Variants in LIFR observed in about 807,000 individuals in gnomAD.
LIFR encodes LIF receptor subunit alpha, also known as leukemia inhibitory factor receptor.
Under a neutral mutation model 122.2 loss-of-function variants are expected in LIFR, and 84 were observed. That is an observed-to-expected ratio of 0.69 (90% CI 0.58 to 0.82). The LOEUF (loss-of-function observed/expected upper bound fraction) is 0.82. Among genes scored for constraint, LIFR ranks in the 40% least tolerant of loss-of-function variants. The probability of loss-of-function intolerance (pLI) is 0.00; values close to 1 mark genes in which losing one functional copy is unlikely to be tolerated. For synonymous variants in LIFR, 422 were observed against 434.7 expected (o/e 0.97, Z 0.36); for missense variants, 1,294 against 1,311.6 (o/e 0.99, Z 0.21).
At chr5:38,602,009 A>G (rs770928254) in intron 2 of LIFR, among the ~76,000 whole-genome samples, 2 of 152,208 alleles carry the variant, frequency 1.3e-5, no homozygotes, top group Non-Finnish European at 2.9e-5. Flanking sequence ...GTGTGAGTCA[A>G]TTTGCCTCTT....
rs779559328 is a variant in LIFR, at chr5:38,564,971, C to T, written c.-20+30290G>A. ...TGTATTTTTAGTAGAGACAGGGTTT[C>T]GCCACATTGGCCAACTGATCTCAAA... On this transcript the variant is annotated intron_variant, in intron 1 of 19. Transcript: ENST00000263409. Among the ~76,000 whole-genome samples, 12 of 151,948 alleles carry T rather than the reference C, an allele frequency of 7.9e-5. 1 individual carries two copies. The South Asian group carries it at 1.2e-3, about 16-fold the overall frequency.
chr5:38,591,893 G>C (rs1308651363), intron 1 of LIFR, among the ~76,000 whole-genome samples: 1 of 152,122 alleles, frequency 6.6e-6, no homozygotes, highest in Non-Finnish European at 1.5e-5. Context: ...CCTTAAATTG[G>C]AGGGTCTAGT....
chr5:38,504,018 T>A lies in LIFR; in HGVS notation c.1395A>T (p.Leu465Phe). Reference sequence around the variant, plus strand: ...TAGATTTCTTAATTTCAATTTCACATAAAAAATTAATCTTTGCAAAGTTGC... The same window carrying A: ...TAGATTTCTTAATTTCAATTTCACAAAAAAAATTAATCTTTGCAAAGTTGC... ...LPGNFAKINF[L>F]CEIEIKKSNS... is the part of the protein sequence containing the mutation. The change falls in exon 10 of 20, where the codon TTA (leucine) becomes TTT (phenylalanine). Residue 465 changes from leucine to phenylalanine, a missense_variant. Coordinates refer to ENST00000453190, the MANE Select transcript of LIFR (RefSeq NM_001127671.2). 6.3e-7 allele frequency: 1 copy of A among 1,587,178 alleles called. No homozygotes were observed. Among genetic ancestry groups the A allele is most frequent in the Non-Finnish European group, 8.7e-7 (1 of 1,155,850 alleles).
chr5:38,529,636 G>A (rs978835663), intron 2 of LIFR, among the ~76,000 whole-genome samples: 1 of 151,966 alleles, frequency 6.6e-6, no homozygotes, highest in Non-Finnish European at 1.5e-5. Context: ...AAAAAGAAGG[G>A]GGGTATAAGA....
At chr5:38,578,192 T>C in intron 1 of LIFR, among the ~76,000 whole-genome samples, 1 of 83,686 alleles carries the variant, frequency 1.2e-5, no homozygotes, top group South Asian at 5.0e-4. Flanking sequence ...TTTCTTTTCT[T>C]TTCTTTTTCT....
rs36122781 is a variant in LIFR, at chr5:38,517,942, GAAAA to G, written c.561+5473_561+5476del. On this transcript the variant is annotated intron_variant, in intron 5 of 19. Transcript: ENST00000453190. ...CAAAAAAGTGAGACCCCATCTCTAT[GAAAA>G]AAAAAAAAACAAACAAAAAAAAACA... Among the ~76,000 whole-genome samples the G allele has an allele frequency of 4.9e-3, 591 of 120,642 alleles. 7 individuals carry two copies. Among genetic ancestry groups the G allele is most frequent in the African/African-American group, 0.017 (544 of 31,906 alleles). 79.1% of individuals were successfully genotyped at this position (120,642 alleles called of 152,430 possible). A position where few individuals can be genotyped will look rare whatever the true frequency, so the allele number is the denominator to read the frequency against.
chr5:38,565,239 G>A lies in LIFR; in HGVS notation c.-20+30022C>T, dbSNP rs12520686. Reference sequence around the variant, plus strand: ...AGTTTTCAGTATAACAGATATAACAGTGAAAATTGTTCAATGAAGATTCCT... The same window carrying A: ...AGTTTTCAGTATAACAGATATAACAATGAAAATTGTTCAATGAAGATTCCT... On this transcript the variant is annotated intron_variant, in intron 1 of 19. Coordinates refer to the LIFR transcript ENST00000263409. Among the ~76,000 whole-genome samples the A allele has an allele frequency of 0.019, 2,876 of 152,258 alleles. 155 individuals are homozygous for A. The East Asian group carries it at 0.21, about 11-fold the overall frequency.
At chr5:38,582,377 G>T (rs1026314515) in intron 1 of LIFR, among the ~76,000 whole-genome samples, 1 of 152,208 alleles carries the variant, frequency 6.6e-6, no homozygotes, top group South Asian at 2.1e-4. Flanking sequence ...GCAGAAAGGA[G>T]TTGGAAGGAT....
chr5:38,559,475 T>C (rs1748751011), upstream of LIFR, among the ~76,000 whole-genome samples: 3 of 152,212 alleles, frequency 2.0e-5, no homozygotes, highest in African/African-American at 7.2e-5. Flanking sequence ...TCAAGTCTCA[T>C]GGATTGAGAC....
At position 38,493,694 on chromosome 5, in the gene LIFR, A is replaced by G. The variant is rs775135894; in HGVS notation, c.1977T>C (p.Ile659=). 3 of 1,614,130 alleles carry G rather than the reference A, an allele frequency of 1.9e-6. No individual in the cohort carries two copies. The highest frequency in any genetic ancestry group is 2.5e-6 in the Non-Finnish European group (3 of 1,179,998). Residue 659 remains isoleucine, a synonymous_variant, in exon 14 of 20, where the codon ATT becomes ATC. Coordinates refer to ENST00000453190, the MANE Select transcript of LIFR (RefSeq NM_001127671.2). ...CCGACCGAGACGAGTTACACCACTT[A>G]ATGACGTAGTCGCAAGTCATGTTGG... is the stretch of plus-strand genomic sequence containing the variant. The part of the protein sequence containing the change: ...YDPNMTCDYV[I]KWCNSSRSEP...
chr5:38,578,207 C>CTTT (rs3079294), intron 1 of LIFR, among the ~76,000 whole-genome samples: 41,729 of 123,144 alleles, frequency 0.34, 8,086 homozygotes, highest in Non-Finnish European at 0.41. Context: ...TTTTCTTTTT[C>CTTT]TTTTTTTTTT....
Position 38,476,920 on chromosome 5 carries a change from GA to G in LIFR, c.*4674del. The G allele has an allele frequency of 4.6e-6, 1 of 215,872 alleles. No homozygotes were observed. Among genetic ancestry groups the G allele is most frequent in the South Asian group, 1.9e-4 (1 of 5,346 alleles). 13.4% of individuals were successfully genotyped at this position (215,872 alleles called of 1,614,324 possible). ...CAAATATTAACATTCCTAATATAGG[GA>G]AAAATAAGCACCATTCATAGCTAAA... is the stretch of plus-strand genomic sequence containing the variant. On this transcript the variant is annotated 3_prime_UTR_variant, in exon 20 of 20. Coordinates refer to ENST00000453190, the MANE Select transcript of LIFR (RefSeq NM_001127671.2).
chr5:38,494,381 G>A (rs1247576865), intron 13 of LIFR, among the ~76,000 whole-genome samples: 2 of 152,120 alleles, frequency 1.3e-5, no homozygotes, highest in African/African-American at 2.4e-5. Flanking sequence ...ACCCAGAGGC[G>A]ATGAGGTGGG....
chr5:38,555,081 T>C (rs766391710), intron 1 of LIFR: 42 of 152,200 alleles, frequency 2.8e-4, no homozygotes, highest in Admixed American at 1.6e-3. Flanking sequence ...GAACACATCA[T>C]ATATTTAAAT....
chr5:38,522,281 G>A (rs946744828), intron 5 of LIFR, among the ~76,000 whole-genome samples: 2 of 152,188 alleles, frequency 1.3e-5, no homozygotes, highest in Non-Finnish European at 2.9e-5. Context: ...CTTTAGCAGT[G>A]GAGCCACTGC....
Position 38,480,635 on chromosome 5 carries a change from T to C in LIFR, c.*960A>G, listed in dbSNP as rs1042795. On this transcript the variant is annotated 3_prime_UTR_variant, in exon 20 of 20. Coordinates refer to ENST00000453190, the MANE Select transcript of LIFR (RefSeq NM_001127671.2). The stretch of plus-strand genomic sequence containing the variant: ...CATGGTCTCCTCAGGAGGAACGAAA[T>C]CCAATCAGAACTATATGGACAGCTA... The C allele has an allele frequency of 4.6e-6, 1 of 218,812 alleles. No homozygotes were observed. Among genetic ancestry groups the C allele is most frequent in the Non-Finnish European group, 9.2e-6 (1 of 109,082 alleles). The allele number at this position is 218,812 out of a possible 1,614,324, so 13.6% of individuals were successfully genotyped here.
chr5:38,592,722 G>A (rs1749968828), intron 1 of LIFR, among the ~76,000 whole-genome samples: 2 of 149,894 alleles, frequency 1.3e-5, no homozygotes, highest in African/African-American at 4.9e-5. Context: ...TATTTTTTTA[G>A]AAAAAACTAA....
intron 1 of LIFR, among the ~76,000 whole-genome samples, chr5:38,544,236 C>T (rs1321096232): frequency 6.6e-6 from 1 of 152,148 alleles, no homozygotes; most frequent in Admixed American, 6.5e-5. Context: ...CCGCACAAAG[C>T]AGAACCTTTC....
At chr5:38,545,437 G>A (rs1333107184) in intron 1 of LIFR, among the ~76,000 whole-genome samples, 1 of 152,006 alleles carries the variant, frequency 6.6e-6, no homozygotes, top group Admixed American at 6.6e-5. Flanking sequence ...AATGTTGCCT[G>A]GGGTTATCTC....
Sources: allele counts gnomAD v4.1 joint callset (sites outside exome capture counted in the v4.1 genomes callset), GRCh38; gene constraint gnomAD v4.1.1; transcripts MANE v1.5; gene names NCBI Gene and HGNC (gene_info 2026-07-23, HGNC 2026-07-21).